Variants in TTC13 observed in about 807,000 individuals in gnomAD.
TTC13 encodes tetratricopeptide repeat protein 13.
Under a neutral mutation model 120.0 loss-of-function variants are expected in TTC13, and 62 were observed. The ratio of observed to expected loss-of-function variants is 0.52; its 90% confidence interval spans 0.42 to 0.64. TTC13 has a LOEUF of 0.64. Ranked by LOEUF, TTC13 falls within the 30% of genes least tolerant of loss-of-function variation. The pLI, the probability that TTC13 is intolerant of heterozygous loss-of-function variation, is 0.00. For missense variants in TTC13, 824 were observed against 1,050.2 expected, an observed-to-expected ratio of 0.78 and a Z score of 2.98; for synonymous variants, 384 against 393.5, an observed-to-expected ratio of 0.98 and a Z score of 0.28.
At chr1:230,923,356 C>T (rs1672764097) in intron 15 of TTC13, among the ~76,000 whole-genome samples, 1 of 152,018 alleles carries the variant, frequency 6.6e-6, no homozygotes, top group South Asian at 2.1e-4. Context: ...ACTTGCCCTC[C>T]CCAGATGGCA....
At chr1:230,975,061 C>G (rs1395553126) in intron 1 of TTC13, among the ~76,000 whole-genome samples, 1 of 152,160 alleles carries the variant, frequency 6.6e-6, no homozygotes, top group Non-Finnish European at 1.5e-5. Context: ...TTCTCTGTCT[C>G]AGTTTGTAAA....
intron 18 of TTC13, among the ~76,000 whole-genome samples, chr1:230,914,240 G>C (rs1671794374): frequency 6.6e-6 from 1 of 152,008 alleles, no homozygotes; most frequent in African/African-American, 2.4e-5. Context: ...ACTTATACGA[G>C]GATTTTCTTC....
In TTC13 at chr1:230,921,440, T is replaced by C. The variant is rs1672565982; in HGVS notation, c.1879A>G (p.Arg627Gly). 2.0e-6 allele frequency: 3 copies of C among 1,535,706 alleles called. No individual in the cohort carries two copies. The highest frequency in any genetic ancestry group is 2.4e-5 in the South Asian group (2 of 84,404). Residue 627 changes from arginine to glycine, a missense_variant, in exon 16 of 23, where the codon AGA becomes GGA. Coordinates refer to ENST00000366661, the MANE Select transcript of TTC13 (RefSeq NM_024525.5). ...GCTTACCCATGATAAACAAGAATTC[T>C]GTCTTTAATAAAATGAAGTATTTTC... Reference protein sequence around the residue: ...FEKILHFIKDRILVYHGANNP... With the variant: ...FEKILHFIKDGILVYHGANNP...
intron 11 of TTC13, among the ~76,000 whole-genome samples, chr1:230,929,336 A>G (rs1165534347): frequency 3.4e-5 from 1 of 29,330 alleles, no homozygotes; most frequent in African/African-American, 1.2e-4. Context: ...TTTTTTTTTG[A>G]GACGGAGTCT....
rs2102788574 is a variant in TTC13, at chr1:230,921,374, C to T, written c.1898+47G>A. The T allele has an allele frequency of 2.7e-6, 3 of 1,105,718 alleles. No homozygotes were observed. In the East Asian group the frequency reaches 7.6e-5, roughly 28 times the overall value. 68.5% of individuals were successfully genotyped at this position (1,105,718 alleles called of 1,614,324 possible). ...TTTCAAAAATATAACAAATATAAAA[C>T]ACATGAAATCAACTCATTACTAAGA... On this transcript the variant is annotated intron_variant, in intron 16 of 22. Transcript: ENST00000366661.
intron 1 of TTC13, among the ~76,000 whole-genome samples, chr1:230,975,821 C>T (rs1347265599): frequency 6.6e-6 from 1 of 152,156 alleles, no homozygotes; most frequent in Non-Finnish European, 1.5e-5. Context: ...CTGGGTGGGG[C>T]TCAGCCCACT....
intron 3 of TTC13, among the ~76,000 whole-genome samples, chr1:230,956,738 A>G (rs1572268490): frequency 6.6e-6 from 1 of 152,214 alleles, no homozygotes; most frequent in South Asian, 2.1e-4. Flanking sequence ...TGTGAAAAAA[A>G]CGCAGAAGTA....
chr1:230,925,768 A>G, intron 12 of TTC13, 121 bp from the exon 13 acceptor site: 1 of 1,099,274 alleles, frequency 9.1e-7, no homozygotes, highest in Non-Finnish European at 1.3e-6. Flanking sequence ...ACGACCACAT[A>G]ATCCTTACTT....
chr1:230,931,501 A>T (rs1010027491), intron 10 of TTC13, 29 bp from the exon 11 acceptor site: 10 of 1,607,982 alleles, frequency 6.2e-6, no homozygotes, highest in Non-Finnish European at 8.5e-6. Flanking sequence ...ATTAGTATCA[A>T]CACAGTTTAG....
intron 1 of TTC13, 147 bp from the exon 2 acceptor site, chr1:230,961,450 G>T: frequency 1.7e-6 from 1 of 605,126 alleles, no homozygotes; most frequent in Non-Finnish European, 2.9e-6. Flanking sequence ...TGGGCACAGT[G>T]CCTCACACCT....
chr1:230,916,878 A>G (rs961205502), intron 17 of TTC13, among the ~76,000 whole-genome samples: 4 of 152,262 alleles, frequency 2.6e-5, no homozygotes, highest in Non-Finnish European at 5.9e-5. Flanking sequence ...TAAATGTATG[A>G]ACACAGTTTC....
chr1:230,918,539 T>A (rs933841849), intron 17 of TTC13, among the ~76,000 whole-genome samples: 2 of 152,168 alleles, frequency 1.3e-5, no homozygotes, highest in African/African-American at 2.4e-5. Context: ...TCTGTGAAGT[T>A]CATCTTAGTG....
chr1:230,977,751 G>A (rs1029586437), intron 1 of TTC13, among the ~76,000 whole-genome samples: 2 of 152,116 alleles, frequency 1.3e-5, no homozygotes, highest in Non-Finnish European at 2.9e-5. Context: ...GGAGGAGATT[G>A]ATGGGTAAAA....
Position 230,909,008 on chromosome 1 carries a change from G to A in TTC13, c.2322C>T (p.Tyr774=), listed in dbSNP as rs768828604. ...PLSRGSSVIA[Y]SVIVGALMAS... ...CCATCAGTGCTCCCACGATGACCGA[G>A]TAAGCAATTACACTATTTAAATAAA... The change falls in exon 21 of 23, where the codon TAC becomes TAT. Residue 774 remains tyrosine (Y), a synonymous_variant. Transcript: ENST00000366661. 1.9e-6 allele frequency: 3 copies of A among 1,614,000 alleles called. No individual in the cohort carries two copies. In the East Asian group the frequency reaches 6.7e-5, roughly 36 times the overall value.
At chr1:230,976,771 G>C (rs72746703) in intron 1 of TTC13, among the ~76,000 whole-genome samples, 1 of 152,152 alleles carries the variant, frequency 6.6e-6, no homozygotes, top group Non-Finnish European at 1.5e-5. Context: ...GGGAAATATC[G>C]TAATACAAGT....
intron 19 of TTC13, 29 bp downstream of exon 19, chr1:230,912,594 C>T (rs1380006926): frequency 1.2e-6 from 2 of 1,604,238 alleles, no homozygotes; most frequent in Middle Eastern, 3.3e-4. Context: ...ATAGGAAGAG[C>T]AGAAAAATGG....
intron 2 of TTC13, 121 bp downstream of exon 2, chr1:230,961,088 T>C: frequency 1.5e-6 from 1 of 655,766 alleles, no homozygotes; most frequent in Non-Finnish European, 2.7e-6. Context: ...CCTATCTTTA[T>C]CCTATGCATG....
intron 8 of TTC13, among the ~76,000 whole-genome samples, chr1:230,934,310 T>A (rs939137850): frequency 6.6e-6 from 1 of 151,896 alleles, no homozygotes; most frequent in Non-Finnish European, 1.5e-5. Flanking sequence ...GAAAGCCCAA[T>A]GTGAAACTGT....
chr1:230,910,608 C>A (rs1397342972), intron 20 of TTC13, among the ~76,000 whole-genome samples: 2 of 152,214 alleles, frequency 1.3e-5, no homozygotes, highest in Admixed American at 6.5e-5. Flanking sequence ...CACACGTGAG[C>A]CAGCAGAGCT....
Sources: gnomAD v4.1 joint callset for allele counts (sites outside exome capture counted in the v4.1 genomes callset) on GRCh38, gnomAD v4.1.1 for gene constraint, MANE v1.5 for transcripts, NCBI Gene and HGNC (gene_info 2026-07-23, HGNC 2026-07-21) for gene names.